The following PTPRD variants were observed in gnomAD, a reference collection of about 807,000 sequenced individuals.
PTPRD encodes protein tyrosine phosphatase receptor type D.
A neutral mutation model predicts 214.5 loss-of-function variants in PTPRD; 34 were observed. That is an observed-to-expected ratio of 0.16 (90% confidence interval 0.12 to 0.21). The LOEUF (loss-of-function observed/expected upper bound fraction) is 0.21. Ranked by LOEUF, PTPRD falls within the 10% of genes least tolerant of loss-of-function variation. The pLI is 1.00. For synonymous variants in PTPRD, 1,128 were observed against 845.7 expected (o/e 1.33, Z -5.79); for missense variants, 2,545 against 2,398.7 (o/e 1.06, Z -1.27).
chr9:10,088,516 C>T (rs530598865), intron 3 of PTPRD, among the ~76,000 whole-genome samples: 157 of 151,618 alleles, frequency 1.0e-3, no homozygotes, highest in African/African-American at 3.6e-3. Flanking sequence ...GATATGAGTC[C>T]TATAGTTTAT....
chr9:9,959,471 CAG>C (rs2094193637), intron 4 of PTPRD, among the ~76,000 whole-genome samples: 1 of 152,030 alleles, frequency 6.6e-6, no homozygotes, highest in African/African-American at 2.4e-5. Flanking sequence ...TTTTACAGCA[CAG>C]AGTAAAACTT....
At chr9:10,128,517 T>A (rs1365124410) in intron 3 of PTPRD, among the ~76,000 whole-genome samples, 1 of 152,156 alleles carries the variant, frequency 6.6e-6, no homozygotes, top group East Asian at 1.9e-4. Flanking sequence ...TCATGGCCCT[T>A]AGAAGAAGCC....
At chr9:9,802,972 T>C (rs149021204) in intron 5 of PTPRD, among the ~76,000 whole-genome samples, 54 of 152,038 alleles carry the variant, frequency 3.6e-4, no homozygotes, top group Admixed American at 6.6e-4. Flanking sequence ...AAATTTACTA[T>C]TACTGAACTA....
chr9:10,196,092 C>T (rs941273112), intron 3 of PTPRD, among the ~76,000 whole-genome samples: 6 of 152,134 alleles, frequency 3.9e-5, no homozygotes, highest in African/African-American at 7.2e-5. Context: ...TCTTTCTATA[C>T]ACTTATAGAA....
At chr9:9,334,754 G>GATC (rs1370550420) in intron 9 of PTPRD, among the ~76,000 whole-genome samples, 3 of 151,628 alleles carry the variant, frequency 2.0e-5, no homozygotes, top group East Asian at 1.9e-4. Flanking sequence ...TTATTATCAT[G>GATC]ATCATCATCA....
chr9:8,830,601 C>A (rs1046783513), intron 11 of PTPRD, among the ~76,000 whole-genome samples: 1 of 152,100 alleles, frequency 6.6e-6, no homozygotes, highest in African/African-American at 2.4e-5. Flanking sequence ...CAACTCCCCC[C>A]AGTGAGGAGT....
intron 2 of PTPRD, among the ~76,000 whole-genome samples, chr9:10,513,404 T>A (rs1489878893): frequency 6.6e-6 from 1 of 152,108 alleles, no homozygotes; most frequent in Non-Finnish European, 1.5e-5. Context: ...GAGTGTTTAC[T>A]ATGGAATGGA....
chr9:9,802,862 TCACA>T (rs1285227088), intron 5 of PTPRD, among the ~76,000 whole-genome samples: 1 of 151,898 alleles, frequency 6.6e-6, no homozygotes, highest in Non-Finnish European at 1.5e-5. Flanking sequence ...TCTCTCTTTC[TCACA>T]CACATTTTCT....
At chr9:9,241,337 G>A (rs992133968) in intron 9 of PTPRD, among the ~76,000 whole-genome samples, 10 of 152,136 alleles carry the variant, frequency 6.6e-5, no homozygotes, top group African/African-American at 2.4e-4. Flanking sequence ...AATTATTTGT[G>A]AGTATTCTCA....
chr9:8,354,809 A>G (rs1404735960), intron 39 of PTPRD, among the ~76,000 whole-genome samples: 2 of 152,180 alleles, frequency 1.3e-5, no homozygotes. Context: ...AGCTCCCCAG[A>G]TGGACCCAAG....
chr9:9,741,472 T>C (rs954931361), intron 6 of PTPRD, among the ~76,000 whole-genome samples: 1 of 45,770 alleles, frequency 2.2e-5, no homozygotes, highest in Non-Finnish European at 3.9e-5. Context: ...ATTATGATTA[T>C]ACTTATAAGT....
At chr9:9,309,225 T>C (rs181840181) in intron 9 of PTPRD, among the ~76,000 whole-genome samples, 2 of 152,048 alleles carry the variant, frequency 1.3e-5, no homozygotes, top group African/African-American at 4.8e-5. Context: ...TTTTGTTTTT[T>C]TTTTTAATTT....
At chr9:9,970,462 G>GAAA (rs147601049) in intron 4 of PTPRD, among the ~76,000 whole-genome samples, 47 of 144,450 alleles carry the variant, frequency 3.3e-4, no homozygotes, top group African/African-American at 1.2e-3. Flanking sequence ...AAAAGAAAAA[G>GAAA]AAAAAAAAAA....
intron 11 of PTPRD, among the ~76,000 whole-genome samples, chr9:8,832,116 G>C (rs1007941744): frequency 3.3e-5 from 5 of 151,424 alleles, no homozygotes; most frequent in Admixed American, 6.6e-5. Context: ...GTGTGTGTGT[G>C]TGTGTGTGTG....
intron 4 of PTPRD, among the ~76,000 whole-genome samples, chr9:9,966,164 T>G (rs2094683122): frequency 6.6e-6 from 1 of 152,158 alleles, no homozygotes; most frequent in Non-Finnish European, 1.5e-5. Context: ...AAATTGGCAA[T>G]TCTATTTGCA....
chr9:9,209,415 C>T (rs377130860), intron 9 of PTPRD, among the ~76,000 whole-genome samples: 1 of 151,998 alleles, frequency 6.6e-6, no homozygotes, highest in Non-Finnish European at 1.5e-5. Flanking sequence ...GATTCAGATA[C>T]AAGTAATGTG....
At chr9:9,936,005 T>C (rs1189311471) in intron 5 of PTPRD, among the ~76,000 whole-genome samples, 86 of 150,742 alleles carry the variant, frequency 5.7e-4, no homozygotes, top group African/African-American at 2.0e-3. Context: ...TAAATGGTGC[T>C]GGGAAAACTG....
chr9:9,814,734 A>C (rs2048218020), intron 5 of PTPRD, among the ~76,000 whole-genome samples: 2 of 152,084 alleles, frequency 1.3e-5, no homozygotes, highest in South Asian at 4.1e-4. Flanking sequence ...TTTTTCACAG[A>C]AATAAAAAAT....
intron 3 of PTPRD, among the ~76,000 whole-genome samples, chr9:10,322,707 C>T (rs1341691790): frequency 6.6e-6 from 1 of 152,002 alleles, no homozygotes; most frequent in East Asian, 1.9e-4. Flanking sequence ...AACCAATTTG[C>T]ACATTGGTAC....
Sources: gnomAD v4.1 joint callset for allele counts (sites outside exome capture counted in the v4.1 genomes callset) on GRCh38, gnomAD v4.1.1 for gene constraint, MANE v1.5 for transcripts, NCBI Gene and HGNC (gene_info 2026-07-23, HGNC 2026-07-21) for gene names.